The following DPP6 variants were observed in gnomAD, a reference collection of about 807,000 sequenced individuals.
DPP6 encodes A-type potassium channel modulatory protein DPP6.
Under a neutral mutation model 122.6 loss-of-function variants are expected in DPP6, and 69 were observed. The ratio of observed to expected loss-of-function variants is 0.56; its 90% confidence interval spans 0.46 to 0.69. The LOEUF (loss-of-function observed/expected upper bound fraction) is 0.69. Among genes scored for constraint, DPP6 ranks in the 30% least tolerant of loss-of-function variants. The pLI, the probability that DPP6 is intolerant of heterozygous loss-of-function variation, is 0.00. For missense variants in DPP6, 928 were observed against 1,116.9 expected, an observed-to-expected ratio of 0.83 and a Z score of 2.41; for synonymous variants, 418 against 433.1, an observed-to-expected ratio of 0.97 and a Z score of 0.43.
intron 2 of DPP6, among the ~76,000 whole-genome samples, chr7:154,468,779 G>A (rs1022871452): frequency 6.6e-6 from 1 of 152,272 alleles, no homozygotes; most frequent in Middle Eastern, 3.4e-3. Flanking sequence ...TCAATAAAAA[G>A]TATTATGTGA....
At chr7:154,784,645 G>A (rs564142210) in intron 10 of DPP6, among the ~76,000 whole-genome samples, 20 of 152,170 alleles carry the variant, frequency 1.3e-4, no homozygotes, top group African/African-American at 4.1e-4. Flanking sequence ...TACCTGTTCC[G>A]AGTTTGTGAG....
chr7:154,235,272 G>T (rs185292376), intron 1 of DPP6, among the ~76,000 whole-genome samples: 15 of 152,270 alleles, frequency 9.9e-5, no homozygotes, highest in African/African-American at 3.6e-4. Context: ...GTATCATATC[G>T]TGTGTGTTTT....
At chr7:154,564,539 A>G (rs1390456817) in intron 4 of DPP6, among the ~76,000 whole-genome samples, 2 of 152,220 alleles carry the variant, frequency 1.3e-5, no homozygotes, top group African/African-American at 2.4e-5. Flanking sequence ...GGCAATACCT[A>G]TTTAATTTTA....
intron 1 of DPP6, among the ~76,000 whole-genome samples, chr7:154,177,796 C>A (rs561507826): frequency 6.6e-6 from 1 of 152,152 alleles, no homozygotes; most frequent in South Asian, 2.1e-4. Context: ...ACTTTGATAG[C>A]GCACTAATGC....
intron 16 of DPP6, among the ~76,000 whole-genome samples, chr7:154,831,271 C>A (rs1800608229): frequency 1.3e-5 from 2 of 152,236 alleles, no homozygotes; most frequent in African/African-American, 4.8e-5. Flanking sequence ...ATGCATGAGG[C>A]TCGGAGTGGC....
chr7:154,074,102 G>GAT (rs1803353053), intron 1 of DPP6, among the ~76,000 whole-genome samples: 2 of 55,116 alleles, frequency 3.6e-5, no homozygotes, highest in East Asian at 8.9e-4. Context: ...GATCTATATA[G>GAT]AGATAGAGAG....
chr7:154,142,261 A>G (rs1260659488), intron 1 of DPP6, among the ~76,000 whole-genome samples: 1 of 152,034 alleles, frequency 6.6e-6, no homozygotes, highest in Non-Finnish European at 1.5e-5. Flanking sequence ...AGTGAAATTA[A>G]CACAACGTGC....
chr7:154,354,534 A>G lies in DPP6; in HGVS notation c.244-91680A>G, dbSNP rs150418995. Among the ~76,000 whole-genome samples the G allele has an allele frequency of 4.6e-3, 700 of 152,230 alleles. 4 individuals are homozygous for G. The highest frequency in any genetic ancestry group is 0.016 in the African/African-American group (664 of 41,558). On this transcript the variant is annotated intron_variant, in intron 1 of 25. Transcript: ENST00000377770. ...ATGGCTTCCCTATTAATATTCCTAAATTATGATTTCGCTGGGTGTCTTTTC... is the reference window on the plus strand; with the variant it reads ...ATGGCTTCCCTATTAATATTCCTAAGTTATGATTTCGCTGGGTGTCTTTTC...
At chr7:154,086,897 A>G (rs1390568948) in intron 1 of DPP6, among the ~76,000 whole-genome samples, 2 of 152,118 alleles carry the variant, frequency 1.3e-5, no homozygotes, top group African/African-American at 4.8e-5. Flanking sequence ...CTACTTGTAT[A>G]TTGCTAAGGG....
At chr7:154,380,622 T>C (rs866351544) in intron 1 of DPP6, among the ~76,000 whole-genome samples, 2 of 152,340 alleles carry the variant, frequency 1.3e-5, no homozygotes, top group Non-Finnish European at 1.5e-5. Flanking sequence ...TCCTTCTCTT[T>C]GCTCCAGTGC....
intron 3 of DPP6, among the ~76,000 whole-genome samples, chr7:154,518,551 A>G (rs1826719318): frequency 6.6e-6 from 1 of 152,178 alleles, no homozygotes; most frequent in African/African-American, 2.4e-5. Context: ...GTCCTAGTCC[A>G]GATGATGAAT....
intron 1 of DPP6, among the ~76,000 whole-genome samples, chr7:154,283,819 G>T (rs77535144): frequency 0.1 from 15,364 of 152,196 alleles, 1,214 homozygotes; most frequent in African/African-American, 0.21. Context: ...ATTGGATATC[G>T]CACTCTCTGT....
chr7:154,153,937 G>C (rs771668811), intron 1 of DPP6, among the ~76,000 whole-genome samples: 11 of 152,328 alleles, frequency 7.2e-5, no homozygotes, highest in Admixed American at 1.3e-4. Context: ...GACACCAACA[G>C]TATCTTTGGT....
At chr7:154,730,833 CT>C (rs1483152105) in intron 8 of DPP6, among the ~76,000 whole-genome samples, 4 of 152,338 alleles carry the variant, frequency 2.6e-5, no homozygotes, top group Middle Eastern at 3.4e-3. Context: ...TTTAAAATAT[CT>C]TTTTTAGTAT....
chr7:154,770,479 C>A (rs1452774521), intron 9 of DPP6, among the ~76,000 whole-genome samples: 3 of 152,158 alleles, frequency 2.0e-5, no homozygotes, highest in Admixed American at 1.3e-4. Flanking sequence ...ATAAAAGAGA[C>A]CCCAGAGAGA....
At chr7:153,948,718 C>T (rs1802064158) in intron 1 of DPP6, among the ~76,000 whole-genome samples, 1 of 149,128 alleles carries the variant, frequency 6.7e-6, no homozygotes, top group Non-Finnish European at 1.5e-5. Context: ...ACTTACCTGT[C>T]CTCTATAATA....
chr7:154,653,974 GGA>G (rs148540765), intron 6 of DPP6, among the ~76,000 whole-genome samples: 100,613 of 148,856 alleles, frequency 0.68, 34,218 homozygotes, highest in East Asian at 0.82. Context: ...TCAAATACCT[GGA>G]AAAAAAAAAA....
chr7:154,163,378 G>T (rs1797076693), intron 1 of DPP6, among the ~76,000 whole-genome samples: 1 of 152,150 alleles, frequency 6.6e-6, no homozygotes, highest in African/African-American at 2.4e-5. Flanking sequence ...ACTTGCTCAT[G>T]GCTTTTTGTT....
chr7:154,278,973 A>G (rs1263835711), intron 1 of DPP6, among the ~76,000 whole-genome samples: 1 of 151,584 alleles, frequency 6.6e-6, no homozygotes. Flanking sequence ...ATGTGTGTGT[A>G]TATATGTGTG....
Sources: allele counts gnomAD v4.1 joint callset (sites outside exome capture counted in the v4.1 genomes callset), GRCh38; gene constraint gnomAD v4.1.1; transcripts MANE v1.5; gene names NCBI Gene and HGNC (gene_info 2026-07-23, HGNC 2026-07-21).